The following KLRG1 variants were observed in gnomAD, a reference collection of about 807,000 sequenced individuals.
The protein encoded by KLRG1 is killer cell lectin like receptor G1, also known as killer cell lectin-like receptor subfamily G member 1.
In KLRG1, 16 loss-of-function variants were observed where a neutral mutation model predicts 21.8. The ratio of observed to expected loss-of-function variants is 0.73; its 90% CI spans 0.50 to 1.11. KLRG1 has a LOEUF of 1.11. Ranked by LOEUF, KLRG1 falls within the 50% of genes most tolerant of loss-of-function variation. The probability of loss-of-function intolerance (pLI) is 0.00; values close to 1 mark genes in which losing one functional copy is unlikely to be tolerated. For synonymous variants in KLRG1, 69 were observed against 75.9 expected (o/e 0.91, Z 0.47); for missense variants, 173 against 218.3 (o/e 0.79, Z 1.31).
the KLRG1 span, chr12:9,166,868 C>A: frequency 2.0e-5 from 3 of 152,162 alleles, no homozygotes; most frequent in East Asian, 5.8e-4. Context: ...GACATGAAAG[C>A]AATTTTGTCC....
At chr12:9,203,802 G>T in the KLRG1 span, 2 of 1,614,050 alleles carry the variant, frequency 1.2e-6, no homozygotes, top group East Asian at 2.2e-5. Flanking sequence ...GTCCTTCTCC[G>T]CCACCAGGTC....
the KLRG1 span, chr12:9,181,025 A>G: frequency 1.2e-6 from 2 of 1,614,094 alleles, no homozygotes; most frequent in Non-Finnish European, 1.7e-6. Context: ...TGAGCAGCAC[A>G]CTTTGGTCCA....
the KLRG1 span, among the ~76,000 whole-genome samples, chr12:9,119,065 G>A: frequency 3.3e-5 from 5 of 152,138 alleles, no homozygotes; most frequent in African/African-American, 4.8e-5. Context: ...GGAAGGGACC[G>A]CTTTAGTAAG....
rs763619602 is a variant in KLRG1, at chr12:9,009,438, T to C, written c.471T>C (p.Asn157=). 1.1e-5 allele frequency: 18 copies of C among 1,613,748 alleles called. No homozygotes were observed. Among genetic ancestry groups the C allele is most frequent in the Non-Finnish European group, 1.4e-5 (17 of 1,179,866 alleles). ...TGATTTCTTACAGGATTTCTTCTAA[T>C]AGCTTTGTGCAGACATGCGGTGCCA... ...SPLNFSRISS[N]SFVQTCGAIN... The change falls in exon 5 of 5, where the codon AAT becomes AAC. Residue 157 remains asparagine, a synonymous_variant. Transcript: ENST00000356986.
At position 8,973,163 on chromosome 12, in the gene KLRG1, GAAAAAAAAAAAAAAA is replaced by G. The variant is rs59760555; in HGVS notation, c.-155-19031_-155-19017del. ...GACAGAGCGAGACTCCATCTCAAAA[GAAAAAAAAAAAAAAA>G]AAAAAAAAAAAGAATGCCATTGGGA... On this transcript the variant is annotated intron_variant, in intron 1 of 4. Transcript: ENST00000539240. 7.2e-5 allele frequency among the ~76,000 whole-genome samples: 7 copies of G among 97,034 alleles called. No homozygotes were observed. The South Asian group carries it at 1.6e-3, about 22-fold the overall frequency. The allele number at this position is 97,034 out of a possible 152,430, so 63.7% of individuals were successfully genotyped here. A position where few individuals can be genotyped will look rare whatever the true frequency, so the allele number is the denominator to read the frequency against.
At chr12:9,055,585 A>G in the KLRG1 span, 1 of 152,390 alleles carries the variant, frequency 6.6e-6, no homozygotes, top group East Asian at 1.9e-4. Context: ...GAAGGAATCA[A>G]TTATAGAGTC....
chr12:9,153,207 A>T, the KLRG1 span: 2 of 1,614,192 alleles, frequency 1.2e-6, no homozygotes, highest in Non-Finnish European at 1.7e-6. Context: ...CTGCAGTAAT[A>T]GGAGGTTGTT....
At chr12:9,185,098 A>G in the KLRG1 span, among the ~76,000 whole-genome samples, 2 of 152,238 alleles carry the variant, frequency 1.3e-5, no homozygotes, top group African/African-American at 4.8e-5. Flanking sequence ...AAATGACAGA[A>G]ATAGAATTCA....
chr12:9,192,504 A>G, the KLRG1 span: 1 of 1,607,798 alleles, frequency 6.2e-7, no homozygotes, highest in South Asian at 1.1e-5. Flanking sequence ...CCATGGCCTC[A>G]TTCTTACCAG....
the KLRG1 span, among the ~76,000 whole-genome samples, chr12:9,021,048 A>G: frequency 6.6e-6 from 1 of 152,228 alleles, no homozygotes; most frequent in African/African-American, 2.4e-5. Flanking sequence ...TTATGTATTT[A>G]AACACATCCA....
Position 8,958,263 on chromosome 12 carries a change from A to G in KLRG1, c.-156+8027A>G, listed in dbSNP as rs535938261. Among the ~76,000 whole-genome samples the G allele has an allele frequency of 1.5e-4, 23 of 152,086 alleles. No individual in the cohort carries two copies. The South Asian group carries it at 4.8e-3, about 32-fold the overall frequency. ...AGCACTGAGGTTCCTTTTTTTCCCC[A>G]TATGGATATATAATGACTTCCTATA... On this transcript the variant is annotated intron_variant, in intron 1 of 4. Transcript: ENST00000539240.
chr12:9,013,422 A>G (rs1947658856), downstream of KLRG1, among the ~76,000 whole-genome samples: 2 of 152,242 alleles, frequency 1.3e-5, no homozygotes, highest in African/African-American at 4.8e-5. Flanking sequence ...ATGACCATTC[A>G]GACAGAGAAT....
At chr12:8,964,188 C>T (rs1946426280) in intron 1 of KLRG1, among the ~76,000 whole-genome samples, 1 of 152,140 alleles carries the variant, frequency 6.6e-6, no homozygotes, top group Non-Finnish European at 1.5e-5. Flanking sequence ...TATAAATTTC[C>T]CTCTACACAC....
At chr12:9,110,759 T>C in the KLRG1 span, among the ~76,000 whole-genome samples, 1 of 152,126 alleles carries the variant, frequency 6.6e-6, no homozygotes, top group Non-Finnish European at 1.5e-5. Context: ...TATAGAATAA[T>C]TCCCTCTATA....
chr12:9,181,436 T>C, the KLRG1 span, among the ~76,000 whole-genome samples: 2 of 152,216 alleles, frequency 1.3e-5, no homozygotes, highest in East Asian at 3.8e-4. Flanking sequence ...ACTCCAGTGA[T>C]CAAAAGTGAT....
rs376133742 is a variant in KLRG1 at position 8,992,507 on chromosome 12, A to G, written c.187+197A>G. Among the ~76,000 whole-genome samples the G allele has an allele frequency of 9.9e-5, 15 of 151,956 alleles. No individual in the cohort carries two copies. The East Asian group carries it at 1.9e-3, about 20-fold the overall frequency. On this transcript the variant is annotated intron_variant, in intron 2 of 4. Coordinates refer to ENST00000356986, the MANE Select transcript of KLRG1 (RefSeq NM_005810.4). ...TTTTCTTTTTTCTTTTTGTTTTTTG[A>G]GACAGGGTCTCCCTCAATCAGCCAG...
the KLRG1 span, among the ~76,000 whole-genome samples, chr12:9,113,045 C>T: frequency 9.9e-5 from 15 of 151,512 alleles, no homozygotes; most frequent in Admixed American, 7.9e-4. Context: ...TCATGTTGAG[C>T]CTTGGTCTAG....
chr12:9,196,883 C>G, the KLRG1 span: 2 of 820,426 alleles, frequency 2.4e-6, no homozygotes, highest in Non-Finnish European at 2.0e-6. Flanking sequence ...TGACTAAGAA[C>G]AGAAATTCGT....
At chr12:9,074,880 C>T in the KLRG1 span, 1 of 1,242,888 alleles carries the variant, frequency 8.0e-7, no homozygotes, top group African/African-American at 1.5e-5. Flanking sequence ...GAATTGCATG[C>T]CCATTATAAT....
Sources: gnomAD v4.1 joint callset for allele counts (sites outside exome capture counted in the v4.1 genomes callset) on GRCh38, gnomAD v4.1.1 for gene constraint, MANE v1.5 for transcripts, NCBI Gene and HGNC (gene_info 2026-07-23, HGNC 2026-07-21) for gene names.